SOX5: variants seen among roughly 807,000 people sequenced by gnomAD.
SOX5 encodes transcription factor SOX-5.
In SOX5, 9 loss-of-function variants were observed where a neutral mutation model predicts 92.0. That is an observed-to-expected ratio of 0.10 (90% CI 0.06 to 0.17). The LOEUF (loss-of-function observed/expected upper bound fraction) is 0.17. SOX5 is among the 10% of genes least tolerant of loss of function. The pLI, the probability that SOX5 is intolerant of heterozygous loss-of-function variation, is 1.00. For missense variants in SOX5, 642 were observed against 944.5 expected (o/e 0.68, Z 4.20); for synonymous variants, 344 against 336.3 (o/e 1.02, Z -0.25).
chr12:23,889,443 ATAAC>A (rs553689707), intron 2 of SOX5, among the ~76,000 whole-genome samples: 174 of 152,344 alleles, frequency 1.1e-3, no homozygotes, highest in African/African-American at 3.8e-3. Flanking sequence ...TTGAAAACAC[ATAAC>A]TAACTGTTAG....
chr12:24,330,963 G>A (rs1006922393), intron 2 of SOX5, among the ~76,000 whole-genome samples: 3 of 152,170 alleles, frequency 2.0e-5, no homozygotes, highest in Non-Finnish European at 4.4e-5. Context: ...GCAGCCACAC[G>A]CTAATATATA....
chr12:24,048,718 A>T, intron 4 of SOX5, among the ~76,000 whole-genome samples: 1 of 152,236 alleles, frequency 6.6e-6, no homozygotes, highest in African/African-American at 2.4e-5. Flanking sequence ...AGGACGAACG[A>T]AGCTTGAAAA....
chr12:24,320,679 C>T (rs1950124112), intron 2 of SOX5, among the ~76,000 whole-genome samples: 1 of 151,966 alleles, frequency 6.6e-6, no homozygotes, highest in African/African-American at 2.4e-5. Context: ...TCCTGGCTAA[C>T]ACAGTGAAAC....
intron 4 of SOX5, among the ~76,000 whole-genome samples, chr12:24,066,824 C>G (rs534763993): frequency 6.6e-6 from 1 of 152,228 alleles, no homozygotes; most frequent in Admixed American, 6.5e-5. Flanking sequence ...AAAGTCCAAA[C>G]TGGCACAAAG....
At chr12:23,906,682 T>A (rs533995099) in intron 1 of SOX5, among the ~76,000 whole-genome samples, 1 of 152,256 alleles carries the variant, frequency 6.6e-6, no homozygotes, top group South Asian at 2.1e-4. Context: ...GTAAAAACTA[T>A]CTCTTCCGAT....
At chr12:24,388,942 CAATAT>C (rs1306856731) in intron 1 of SOX5, among the ~76,000 whole-genome samples, 1 of 152,002 alleles carries the variant, frequency 6.6e-6, no homozygotes, top group African/African-American at 2.4e-5. Context: ...TAGCATGTAT[CAATAT>C]ATTATTTTTA....
At chr12:23,953,295 C>A (rs1279298009), upstream of SOX5, among the ~76,000 whole-genome samples, 1 of 151,988 alleles carries the variant, frequency 6.6e-6, no homozygotes, top group Non-Finnish European at 1.5e-5. Flanking sequence ...TTAATTGAAT[C>A]TTTTAAATTT....
At chr12:24,037,050 C>T (rs922427352) in intron 4 of SOX5, among the ~76,000 whole-genome samples, 2 of 152,068 alleles carry the variant, frequency 1.3e-5, no homozygotes, top group Non-Finnish European at 2.9e-5. Flanking sequence ...GAATGGCATT[C>T]ACACCCTCCA....
chr12:24,271,289 T>C (rs77446503), intron 3 of SOX5, among the ~76,000 whole-genome samples: 1,920 of 152,340 alleles, frequency 0.013, 17 homozygotes, highest in African/African-American at 0.025. Context: ...TTTTTTCATG[T>C]CTTGGACATT....
intron 13 of SOX5, among the ~76,000 whole-genome samples, chr12:23,541,719 G>C (rs1942084790): frequency 6.6e-6 from 1 of 152,174 alleles, no homozygotes; most frequent in Admixed American, 6.5e-5. Context: ...TGAAAAATGA[G>C]ACACAATTTT....
chr12:24,174,005 GTTT>G (rs71059987), intron 4 of SOX5, among the ~76,000 whole-genome samples: 2 of 148,080 alleles, frequency 1.4e-5, no homozygotes, highest in Admixed American at 6.7e-5. Context: ...TTGTTTTTTT[GTTT>G]TTTTTTTCTG....
At chr12:24,481,330 A>T (rs540834717) in intron 1 of SOX5, among the ~76,000 whole-genome samples, 15 of 152,134 alleles carry the variant, frequency 9.9e-5, no homozygotes, top group Non-Finnish European at 2.2e-4. Flanking sequence ...AGTTAGAAAG[A>T]ATGAATAAGA....
At position 24,014,711 on chromosome 12, in the gene SOX5, C is replaced by T. The variant is rs28562026; in HGVS notation, c.-1-118687G>A. On this transcript the variant is annotated intron_variant, in intron 4 of 4. Coordinates refer to the SOX5 transcript ENST00000446891. ...CACTTGGAAAAAAGAGTAGAAAAGTCTAAGTTGCAGAGACAAAAACTGGAC... is the reference window on the plus strand; with the variant it reads ...CACTTGGAAAAAAGAGTAGAAAAGTTTAAGTTGCAGAGACAAAAACTGGAC... Among the ~76,000 whole-genome samples, 1,182 of 152,220 alleles carry T rather than the reference C, an allele frequency of 7.8e-3. 16 individuals are homozygous for T. Among genetic ancestry groups the T allele is most frequent in the African/African-American group, 0.026 (1,097 of 41,524 alleles).
intron 2 of SOX5, among the ~76,000 whole-genome samples, chr12:24,306,517 ATCT>A (rs1056378726): frequency 6.0e-4 from 92 of 152,322 alleles, no homozygotes; most frequent in African/African-American, 2.1e-3. Context: ...AGTGCAATCA[ATCT>A]TCTTCAGGCT....
At chr12:24,179,807 T>C (rs1363745944) in intron 4 of SOX5, among the ~76,000 whole-genome samples, 1 of 152,094 alleles carries the variant, frequency 6.6e-6, no homozygotes, top group African/African-American at 2.4e-5. Flanking sequence ...CCACTTAGGA[T>C]AGGATGTGTT....
chr12:23,987,723 G>A (rs2136227013), intron 4 of SOX5, among the ~76,000 whole-genome samples: 1 of 152,338 alleles, frequency 6.6e-6, no homozygotes, highest in Admixed American at 6.5e-5. Flanking sequence ...AGCCAAGGAT[G>A]TAGAGGTTGC....
intron 2 of SOX5, among the ~76,000 whole-genome samples, chr12:24,338,176 G>A (rs1236657278): frequency 1.3e-5 from 2 of 151,612 alleles, no homozygotes; most frequent in Non-Finnish European, 2.9e-5. Flanking sequence ...TATTAATAAG[G>A]CCTGCATTTA....
At chr12:23,554,970 G>A (rs908034067) in intron 11 of SOX5, among the ~76,000 whole-genome samples, 3 of 152,042 alleles carry the variant, frequency 2.0e-5, no homozygotes, top group Non-Finnish European at 4.4e-5. Context: ...GAATCAAGGG[G>A]GAAAAGAAAG....
rs951300946 is a variant in SOX5, at chr12:24,500,979, A to T, written c.-251+61350T>A. On this transcript the variant is annotated intron_variant, in intron 1 of 4. Coordinates refer to the SOX5 transcript ENST00000446891. ...CCCTCCCCTCCTCAGCAGCAACAGG[A>T]TGTGCTGTGTATGAAAGAACTCAAA... is the stretch of plus-strand genomic sequence containing the variant. Among the ~76,000 whole-genome samples, 40 of 152,180 alleles carry T rather than the reference A, an allele frequency of 2.6e-4. 1 individual carries two copies. Among genetic ancestry groups the T allele is most frequent in the African/African-American group, 7.7e-4 (32 of 41,444 alleles).
Sources: gnomAD v4.1 joint callset for allele counts (sites outside exome capture counted in the v4.1 genomes callset) on GRCh38, gnomAD v4.1.1 for gene constraint, MANE v1.5 for transcripts, NCBI Gene and HGNC (gene_info 2026-07-23, HGNC 2026-07-21) for gene names.